Variants in CERS1 observed in about 807,000 individuals in gnomAD.
The protein encoded by CERS1 is Embryonic growth/differentiation factor 1.
A neutral mutation model predicts 35.7 loss-of-function variants in CERS1; 16 were observed. The ratio of observed to expected loss-of-function variants is 0.45; its 90% CI spans 0.30 to 0.68. CERS1 has a LOEUF of 0.68. CERS1 is among the 30% of genes least tolerant of loss of function. The pLI, the probability that CERS1 is intolerant of heterozygous loss-of-function variation, is 0.08. For missense variants in CERS1, 454 were observed against 453.9 expected, an observed-to-expected ratio of 1.00 and a Z score of 0.00; for synonymous variants, 243 against 201.6, an observed-to-expected ratio of 1.21 and a Z score of -1.74.
At chr19:18,873,936 G>C (rs989245263) in intron 6 of CERS1, among the ~76,000 whole-genome samples, 2 of 152,028 alleles carry the variant, frequency 1.3e-5, no homozygotes, top group African/African-American at 4.8e-5. Flanking sequence ...TCTTCGGGAT[G>C]GGGGGAGGAA....
In CERS1 at chr19:18,895,718, GC is replaced by G; in HGVS notation, c.249+105del. The G allele has an allele frequency of 5.4e-6, 3 of 550,878 alleles. No homozygotes were observed. The highest frequency in any genetic ancestry group is 7.5e-6 in the Non-Finnish European group (3 of 400,938). 34.1% of individuals were successfully genotyped at this position (550,878 alleles called of 1,614,324 possible). A position where few individuals can be genotyped will look rare whatever the true frequency, so the allele number is the denominator to read the frequency against. On this transcript the variant is annotated intron_variant, in intron 1 of 7. Transcript: ENST00000623882. The surrounding 1 kb of genome is among the most constrained non-coding windows in gnomAD (Gnocchi z 6.4). ...CCACGTTCCGGCGACCCCTTCATCC[GC>G]AGCAGCCAGCGCTGGAAGAAAGGAA...
intron 3 of CERS1, 109 bp downstream of exon 3, chr19:18,883,978 G>T: frequency 8.2e-7 from 1 of 1,224,828 alleles, no homozygotes; most frequent in Non-Finnish European, 1.1e-6. Context: ...TGAGCACTCC[G>T]ACCTGATGTG....
At position 18,896,126 on chromosome 19, in the gene CERS1, G is replaced by A. The variant is rs1228852904; in HGVS notation, c.-54C>T. 2 of 704,150 alleles carry A rather than the reference G, an allele frequency of 2.8e-6. No homozygotes were observed. Among genetic ancestry groups the A allele is most frequent in the African/African-American group, 2.0e-5 (1 of 51,112 alleles). 43.6% of individuals were successfully genotyped at this position (704,150 alleles called of 1,614,324 possible). On this transcript the variant is annotated 5_prime_UTR_variant, in exon 1 of 8. Coordinates refer to ENST00000623882, the MANE Select transcript of CERS1 (RefSeq NM_021267.5). The surrounding 1 kb of genome is among the most constrained non-coding windows in gnomAD (Gnocchi z 5.9). ...CCTGCGCCCGCCCGCGGTAGCCGAC[G>A]GAGCCGCGCGCCCCGCGTCACGCGC...
rs1481966920 is a variant in CERS1, at chr19:18,868,986, G to C, written c.*999C>G. ...CGCGGCCGGGCCAGGGGGTGGCACA[G>C]GCGCGGGTCGAGGGTCACCAGCAGC... On this transcript the variant is annotated 3_prime_UTR_variant, in exon 8 of 8. Coordinates refer to ENST00000623882, the MANE Select transcript of CERS1 (RefSeq NM_021267.5). The C allele has an allele frequency of 1.4e-5, 16 of 1,122,880 alleles. No homozygotes were observed. The highest frequency in any genetic ancestry group is 3.8e-4 in the Middle Eastern group (1 of 2,630). 69.6% of individuals were successfully genotyped at this position (1,122,880 alleles called of 1,614,324 possible).
upstream of CERS1, chr19:18,896,182 G>A (rs2056623961): frequency 3.4e-6 from 1 of 291,170 alleles, no homozygotes; most frequent in Non-Finnish European, 5.0e-6. The surrounding 1 kb of genome is among the most constrained non-coding windows in gnomAD (Gnocchi z 5.9). Flanking sequence ...GCGGGCGGGA[G>A]AGCGGAGGGC....
intron 4 of CERS1, 93 bp downstream of exon 4, chr19:18,880,181 G>T (rs1169641599): frequency 7.3e-6 from 8 of 1,091,704 alleles, no homozygotes; most frequent in Non-Finnish European, 8.2e-6. Flanking sequence ...ACCGGGCCCC[G>T]CCTCCTTCCC....
intron 2 of CERS1, 58 bp from the exon 3 acceptor site, chr19:18,884,325 C>A: frequency 6.6e-7 from 1 of 1,512,506 alleles, no homozygotes; most frequent in South Asian, 1.2e-5. Context: ...CGATCGCCTC[C>A]ATGACCCGGT....
chr19:18,893,771 C>G (rs1280889504), intron 1 of CERS1, among the ~76,000 whole-genome samples, 196 bp from the exon 2 acceptor site: 1 of 152,090 alleles, frequency 6.6e-6, no homozygotes, highest in Non-Finnish European at 1.5e-5. Context: ...GCCCAGCTGT[C>G]CGGCCGCCGC....
chr19:18,878,111 T>C lies in CERS1; in HGVS notation c.1010+819A>G, dbSNP rs2056097411. On this transcript the variant is annotated intron_variant, in intron 6 of 7. Transcript: ENST00000623882. This position sits in a 1 kb window ranked among gnomAD's most constrained non-coding sequence, Gnocchi z 4.6. ...AGCCACTGCTTCCCTGAAACCATCG[T>C]TCCCACGTCACCGATGGCCCCCACC... The C allele has an allele frequency of 7.1e-6, 7 of 985,554 alleles. No homozygotes were observed. Among genetic ancestry groups the C allele is most frequent in the Non-Finnish European group, 8.4e-6 (7 of 830,024 alleles). The allele number at this position is 985,554 out of a possible 1,614,324, so 61.1% of individuals were successfully genotyped here. A position where few individuals can be genotyped will look rare whatever the true frequency, so the allele number is the denominator to read the frequency against.
chr19:18,890,861 T>G (rs960240532), intron 2 of CERS1, among the ~76,000 whole-genome samples: 1 of 150,540 alleles, frequency 6.6e-6, no homozygotes, highest in African/African-American at 2.4e-5. Context: ...TGGTGGCTCA[T>G]GCCTGTAATC....
At position 18,893,568 on chromosome 19, in the gene CERS1, G is replaced by A. The variant is rs374895377; in HGVS notation, c.257C>T (p.Ala86Val). The change falls in exon 2 of 8, where the codon GCG (alanine) becomes GTG (valine). Residue 86 changes from alanine to valine, a missense_variant. Coordinates refer to ENST00000623882, the MANE Select transcript of CERS1 (RefSeq NM_021267.5). ...AATARLFRPL[A>V]KRCCLQPRDA... ...TCTGGGCTGGAGGCAGCACCGCTTC[G>A]CCAGGGGCTATGGGGGAGAAGACAG... The A allele has an allele frequency of 3.2e-4, 507 of 1,607,730 alleles. 1 individual carries two copies. The highest frequency in any genetic ancestry group is 3.9e-4 in the Non-Finnish European group (462 of 1,177,920).
chr19:18,883,942 C>G (rs1290682356), intron 3 of CERS1, 145 bp downstream of exon 3: 1 of 805,656 alleles, frequency 1.2e-6, no homozygotes, highest in East Asian at 2.7e-5. Flanking sequence ...CTCGTCGGAC[C>G]CCTGAGCACT....
chr19:18,885,696 T>G (rs2056338768), intron 2 of CERS1, among the ~76,000 whole-genome samples: 1 of 151,330 alleles, frequency 6.6e-6, no homozygotes, highest in Non-Finnish European at 1.5e-5. Context: ...ATTTTTTTTT[T>G]TTTCAGTAGA....
At chr19:18,877,749 C>G (rs2056085807) in intron 6 of CERS1, among the ~76,000 whole-genome samples, 3 of 98,630 alleles carry the variant, frequency 3.0e-5, no homozygotes, top group Non-Finnish European at 5.9e-5. Context: ...AGAGTGAGAC[C>G]CTGTCTCAAA....
At chr19:18,872,533 G>A (rs1325351517) in intron 6 of CERS1, among the ~76,000 whole-genome samples, 1 of 112,672 alleles carries the variant, frequency 8.9e-6, no homozygotes, top group Non-Finnish European at 1.9e-5. Flanking sequence ...TTTTTTTTTT[G>A]AGACGAAGTC....
chr19:18,896,403 C>A (rs2056627774), upstream of CERS1, among the ~76,000 whole-genome samples: 1 of 151,716 alleles, frequency 6.6e-6, no homozygotes, highest in Non-Finnish European at 1.5e-5. The surrounding 1 kb of genome is among the most constrained non-coding windows in gnomAD (Gnocchi z 5.9). Flanking sequence ...GCCTGCCCCG[C>A]GCGCCCCCCG....
chr19:18,870,471 G>A lies in CERS1; in HGVS notation c.*106C>T. On this transcript the variant is annotated 3_prime_UTR_variant, in exon 7 of 8. Transcript: ENST00000623882. This position sits in a 1 kb window ranked among gnomAD's most constrained non-coding sequence, Gnocchi z 5.1. ...CGGGGTCCCAGGGGAGGTGGCGGCG[G>A]CCCTAGAGGAGCAGAGTTGGAGGGG... 3.9e-6 allele frequency: 2 copies of A among 519,472 alleles called. No individual in the cohort carries two copies. The highest frequency in any genetic ancestry group is 3.3e-6 in the Non-Finnish European group (1 of 305,730). The allele number at this position is 519,472 out of a possible 1,614,324, so 32.2% of individuals were successfully genotyped here. A position where few individuals can be genotyped will look rare whatever the true frequency, so the allele number is the denominator to read the frequency against.
rs2056541813 is a variant in CERS1, at chr19:18,893,333, G to C, written c.409+83C>G. 2.8e-6 allele frequency: 4 copies of C among 1,441,364 alleles called. No individual in the cohort carries two copies. The Admixed American group carries it at 8.9e-5, about 32-fold the overall frequency. The allele number at this position is 1,441,364 out of a possible 1,614,324, so 89.3% of individuals were successfully genotyped here. ...GGGCTCCAGTGATCCTCCTGCTTCT[G>C]CCTCATGAGTAGCTGGGACCACAAG... On this transcript the variant is annotated intron_variant, in intron 2 of 7. Coordinates refer to ENST00000623882, the MANE Select transcript of CERS1 (RefSeq NM_021267.5).
intron 4 of CERS1, 24 bp downstream of exon 4, chr19:18,880,250 T>TG: frequency 6.6e-7 from 1 of 1,526,676 alleles, no homozygotes; most frequent in Non-Finnish European, 8.8e-7. Flanking sequence ...CCTCCCTCCC[T>TG]GCCCAGCACT....
Sources: allele counts gnomAD v4.1 joint callset (sites outside exome capture counted in the v4.1 genomes callset), GRCh38; gene constraint gnomAD v4.1.1; non-coding constraint Gnocchi (gnomAD v3.1); transcripts MANE v1.5; gene names NCBI Gene and HGNC (gene_info 2026-07-23, HGNC 2026-07-21).